Variants in SCP2 observed in about 807,000 individuals in gnomAD.
SCP2 encodes sterol carrier protein 2, also known as SCP-2/3-oxoacyl-CoA thiolase.
Under a neutral mutation model 71.4 loss-of-function variants are expected in SCP2, and 48 were observed. The observed-to-expected ratio is 0.67, with a 90% CI of 0.53 to 0.86. SCP2 has a LOEUF of 0.86. Ranked by LOEUF, SCP2 falls within the 40% of genes least tolerant of loss-of-function variation. The pLI is 0.00. For missense variants in SCP2, 560 were observed against 655.6 expected, an observed-to-expected ratio of 0.85 and a Z score of 1.59; for synonymous variants, 220 against 218.1, an observed-to-expected ratio of 1.01 and a Z score of -0.08.
intron 6 of SCP2, 35 bp downstream of exon 6, chr1:52,961,664 C>T (rs1245017422): frequency 5.1e-6 from 8 of 1,569,006 alleles, no homozygotes; most frequent in Admixed American, 1.7e-5. Context: ...AGGCTTCTTA[C>T]TAGTTATATA....
chr1:52,958,215 G>C (rs534319000), intron 5 of SCP2, among the ~76,000 whole-genome samples: 1 of 148,452 alleles, frequency 6.7e-6, no homozygotes, highest in East Asian at 1.9e-4. Flanking sequence ...CAGTCCTTCT[G>C]TTGAATTTTT....
chr1:52,956,838 T>C (rs570540020), intron 5 of SCP2, among the ~76,000 whole-genome samples: 29 of 151,844 alleles, frequency 1.9e-4, no homozygotes, highest in African/African-American at 7.0e-4. Context: ...ATAGTAAAAT[T>C]CATCCATAAT....
At chr1:53,035,737 G>A (rs17107683) in intron 13 of SCP2, among the ~76,000 whole-genome samples, 14,954 of 152,112 alleles carry the variant, frequency 0.098, 1,453 homozygotes, top group African/African-American at 0.22. Flanking sequence ...ACAACAACAA[G>A]ATGCTAACAT....
intron 6 of SCP2, among the ~76,000 whole-genome samples, chr1:52,970,338 C>T (rs566831556): frequency 1.6e-4 from 25 of 152,244 alleles, no homozygotes; most frequent in African/African-American, 5.5e-4. Context: ...CAGCCACAAA[C>T]CCCTGGGCTC....
intron 4 of SCP2, 63 bp downstream of exon 4, chr1:52,950,949 C>T: frequency 3.3e-6 from 5 of 1,496,738 alleles, no homozygotes; most frequent in Non-Finnish European, 3.7e-6. Flanking sequence ...ATCACACGAC[C>T]ATCAGAGGAA....
At chr1:53,009,089 A>G (rs1348205856) in intron 11 of SCP2, among the ~76,000 whole-genome samples, 2 of 152,216 alleles carry the variant, frequency 1.3e-5, no homozygotes, top group African/African-American at 4.8e-5. Flanking sequence ...GGACCCCTTC[A>G]AGGAGAACTA....
intron 6 of SCP2, 81 bp downstream of exon 6, chr1:52,961,710 CTG>C (rs1656467178): frequency 8.0e-7 from 1 of 1,246,762 alleles, no homozygotes; most frequent in African/African-American, 1.5e-5. Flanking sequence ...TATTAAGGAA[CTG>C]TGGAGGATGC....
intron 12 of SCP2, among the ~76,000 whole-genome samples, chr1:53,015,278 A>T (rs1337537927): frequency 5.3e-5 from 8 of 152,212 alleles, no homozygotes; most frequent in Non-Finnish European, 1.0e-4. Context: ...ACTGAACTAG[A>T]AGCCTGAGCT....
chr1:52,998,693 G>GGTA (rs1660107263), intron 11 of SCP2, among the ~76,000 whole-genome samples: 1 of 152,134 alleles, frequency 6.6e-6, no homozygotes. Context: ...TGTGTCAAAG[G>GGTA]GTAGTATACA....
rs190480949 is a variant in SCP2 at position 52,942,119 on chromosome 1, G to A, written c.127+266G>A. ...GTTAAGGGATCTGTGGGAGAGAGAG[G>A]TAGGGTCATTAAAAGGGATAACATC... On this transcript the variant is annotated intron_variant, in intron 2 of 15. Transcript: ENST00000371514. Among the ~76,000 whole-genome samples the A allele has an allele frequency of 1.5e-3, 224 of 152,322 alleles. 1 individual carries two copies. Among genetic ancestry groups the A allele is most frequent in the Middle Eastern group, 3.4e-3 (1 of 294 alleles).
intron 4 of SCP2, among the ~76,000 whole-genome samples, chr1:52,952,067 G>C (rs932781043): frequency 6.6e-6 from 1 of 151,910 alleles, no homozygotes; most frequent in African/African-American, 2.4e-5. Context: ...CACCACACCT[G>C]GTCATATTAG....
At position 53,041,983 on chromosome 1, in the gene SCP2, A is replaced by G. The variant is rs560783525; in HGVS notation, c.1468+2937A>G. Among the ~76,000 whole-genome samples the G allele has an allele frequency of 1.2e-4, 18 of 152,274 alleles. No homozygotes were observed. The South Asian group carries it at 3.5e-3, about 30-fold the overall frequency. On this transcript the variant is annotated intron_variant, in intron 14 of 15. Coordinates refer to ENST00000371514, the MANE Select transcript of SCP2 (RefSeq NM_002979.5). ...GGAGTCCGGAGAAAAAGTGAAGAGCACTGTTAACGTGCACGGTTGAATAAG... is the reference window on the plus strand; with the variant it reads ...GGAGTCCGGAGAAAAAGTGAAGAGCGCTGTTAACGTGCACGGTTGAATAAG...
intron 5 of SCP2, among the ~76,000 whole-genome samples, chr1:52,959,893 ATT>A (rs762724510): frequency 8.6e-5 from 12 of 139,786 alleles, no homozygotes; most frequent in Admixed American, 2.2e-4. Context: ...CTGATTTTCA[ATT>A]TTTTTTTTTT....
At chr1:53,035,944 C>T (rs1024492885) in intron 13 of SCP2, among the ~76,000 whole-genome samples, 2 of 146,704 alleles carry the variant, frequency 1.4e-5, no homozygotes, top group Admixed American at 6.9e-5. Context: ...GGCGTGAACC[C>T]GGGAGGCGGA....
chr1:52,994,928 T>C (rs1321751594), intron 11 of SCP2: 2 of 522,238 alleles, frequency 3.8e-6, no homozygotes, highest in East Asian at 1.0e-4. Context: ...CTGGTGGATC[T>C]AGAACCTGGG....
At chr1:52,963,540 A>G (rs999960149) in intron 6 of SCP2, 1 of 152,174 alleles carries the variant, frequency 6.6e-6, no homozygotes, top group African/African-American at 2.4e-5. Context: ...TCTGATATTC[A>G]GACAAGTTTT....
At chr1:52,967,572 G>C (rs1213511073) in intron 6 of SCP2, among the ~76,000 whole-genome samples, 1 of 152,098 alleles carries the variant, frequency 6.6e-6, no homozygotes, top group African/African-American at 2.4e-5. Flanking sequence ...GCACTATCTT[G>C]GCTCACTGCA....
In SCP2 at chr1:52,961,540, A is replaced by G; in HGVS notation, c.434A>G (p.Asp145Gly). 1 of 1,613,648 alleles carries G rather than the reference A, an allele frequency of 6.2e-7. No homozygotes were observed. The highest frequency in any genetic ancestry group is 8.5e-7 in the Non-Finnish European group (1 of 1,179,820). Residue 145 changes from aspartate to glycine, a missense_variant, in exon 6 of 16, where the codon GAC becomes GGC. Coordinates refer to ENST00000371514, the MANE Select transcript of SCP2 (RefSeq NM_002979.5). ...ACCATTCCCACTGATAAGCATGTTG[A>G]CCTCCTGATCAATAAGTATGGATTG... ...DRTIPTDKHV[D>G]LLINKYGLSA...
chr1:52,960,480 A>ATG (rs71044447), intron 5 of SCP2, among the ~76,000 whole-genome samples: 6,518 of 139,416 alleles, frequency 0.047, 220 homozygotes, highest in African/African-American at 0.065. Flanking sequence ...TACTATGTAT[A>ATG]TGTGTGTGTG....
Sources: allele counts gnomAD v4.1 joint callset (sites outside exome capture counted in the v4.1 genomes callset), GRCh38; gene constraint gnomAD v4.1.1; transcripts MANE v1.5; gene names NCBI Gene and HGNC (gene_info 2026-07-23, HGNC 2026-07-21).